The following ARL9 variants were observed in gnomAD, a reference collection of about 807,000 sequenced individuals.
ARL9 encodes ARF like GTPase 9.
A neutral mutation model predicts 27.0 loss-of-function variants in ARL9; 14 were observed. That is an observed-to-expected ratio of 0.52 (90% CI 0.34 to 0.81). The LOEUF is 0.81. Ranked by LOEUF, ARL9 falls within the 30% of genes least tolerant of loss-of-function variation. The pLI, the probability that ARL9 is intolerant of heterozygous loss-of-function variation, is 0.01. For missense variants in ARL9, 294 were observed against 290.0 expected (o/e 1.01, Z -0.10); for synonymous variants, 106 against 108.7 (o/e 0.98, Z 0.15).
chr4:56,513,800 C>T (rs1721702632), intron 2 of ARL9, among the ~76,000 whole-genome samples: 1 of 152,154 alleles, frequency 6.6e-6, no homozygotes, highest in Non-Finnish European at 1.5e-5. Context: ...TGCTAACATG[C>T]TCCCAGTCAG....
rs73169308 is a variant in ARL9, at chr4:56,506,528, C to T, written c.279+387C>T. 0.03 allele frequency: 18,575 copies of T among 624,946 alleles called. 395 individuals carry two copies. In the East Asian group the frequency reaches 0.3, roughly 10 times the overall value. The allele number at this position is 624,946 out of a possible 1,614,324, so 38.7% of individuals were successfully genotyped here. A position where few individuals can be genotyped will look rare whatever the true frequency, so the allele number is the denominator to read the frequency against. Reference sequence around the variant, plus strand: ...ACCAGCCCCGAACCCTCCCCACACGCAGGCCCTCTTTGCATTGAATGCGTT... The same window carrying T: ...ACCAGCCCCGAACCCTCCCCACACGTAGGCCCTCTTTGCATTGAATGCGTT... On this transcript the variant is annotated intron_variant, in intron 1 of 3. Transcript: ENST00000640821.
chr4:56,523,804 T>C lies in ARL9; in HGVS notation c.726T>C (p.Asn242=). The C allele has an allele frequency of 1.9e-6, 3 of 1,613,996 alleles. No individual in the cohort carries two copies. Among genetic ancestry groups the C allele is most frequent in the Non-Finnish European group, 2.5e-6 (3 of 1,179,882 alleles). ...TGTTTGGAACCTACCTGACTAAGAATGGCTCAGAGATACCCTCCACCATGC... is the reference window on the plus strand; with the variant it reads ...TGTTTGGAACCTACCTGACTAAGAACGGCTCAGAGATACCCTCCACCATGC... The part of the protein sequence containing the change: ...MFLFGTYLTK[N]GSEIPSTMQD... Residue 242 remains asparagine (N), a synonymous_variant, in exon 4 of 4, where the codon AAT becomes AAC. Transcript: ENST00000640821.
At chr4:56,506,740 T>C (rs1721472432) in intron 1 of ARL9, 11 of 926,010 alleles carry the variant, frequency 1.2e-5, no homozygotes, top group African/African-American at 1.8e-5. Flanking sequence ...GCTCCTTGGC[T>C]TAGAGCTGCG....
At position 56,511,234 on chromosome 4, in the gene ARL9, C is replaced by T; in HGVS notation, c.329C>T (p.Thr110Ile). 11 of 1,612,520 alleles carry T rather than the reference C, an allele frequency of 6.8e-6. No individual in the cohort carries two copies. The highest frequency in any genetic ancestry group is 9.3e-6 in the Non-Finnish European group (11 of 1,179,128). The change falls in exon 2 of 4, where the codon ACC (threonine) becomes ATC (isoleucine). Residue 110 changes from threonine (T) to isoleucine (I), a missense_variant. Coordinates refer to ENST00000640821, the MANE Select transcript of ARL9 (RefSeq NM_001363794.2). Reference sequence around the variant, plus strand: ...CTGGGCCTGGATGGAGCAGGAAAAACCAGTGTCCTGCACTCTCTAGCTTCA... The same window carrying T: ...CTGGGCCTGGATGGAGCAGGAAAAATCAGTGTCCTGCACTCTCTAGCTTCA... ...LVLGLDGAGK[T>I]SVLHSLASNR...
Position 56,506,068 on chromosome 4 carries a change from A to C in ARL9, c.206A>C (p.Glu69Ala). Residue 69 changes from glutamate (E) to alanine (A), a missense_variant, in exon 1 of 4, where the codon GAA becomes GCA. By Grantham distance (107) the Glu-to-Ala change is moderately radical. Transcript: ENST00000640821. Reference protein sequence around the residue: ...KQGKETNKEKEQFKGQEEKGE... With the variant: ...KQGKETNKEKAQFKGQEEKGE... ...GGGAAGGAGACAAACAAAGAGAAGG[A>C]ACAATTTAAGGGACAAGAAGAGAAA... The C allele has an allele frequency of 8.1e-7, 1 of 1,235,976 alleles. No individual in the cohort carries two copies. The highest frequency in any genetic ancestry group is 1.0e-6 in the Non-Finnish European group (1 of 990,528). 76.6% of individuals were successfully genotyped at this position (1,235,976 alleles called of 1,614,324 possible).
chr4:56,523,928 A>G lies in ARL9; in HGVS notation c.*52A>G. 6.6e-7 allele frequency: 1 copy of G among 1,519,864 alleles called. No homozygotes were observed. The highest frequency in any genetic ancestry group is 1.3e-5 in the South Asian group (1 of 79,154). 94.1% of individuals were successfully genotyped at this position (1,519,864 alleles called of 1,614,324 possible). ...ACGACTGAGATGTCATCAGTGTTGA[A>G]TGGCAGGCTTGAAGCCAAAGGTTTC... On this transcript the variant is annotated 3_prime_UTR_variant, in exon 4 of 4. Coordinates refer to ENST00000640821, the MANE Select transcript of ARL9 (RefSeq NM_001363794.2).
intron 3 of ARL9, among the ~76,000 whole-genome samples, chr4:56,521,360 G>A (rs1721912868): frequency 6.6e-6 from 1 of 152,088 alleles, no homozygotes; most frequent in Non-Finnish European, 1.5e-5. Flanking sequence ...ATACCAAAAT[G>A]TTATCATTTT....
chr4:56,521,301 A>G (rs1721911186), intron 3 of ARL9, among the ~76,000 whole-genome samples: 1 of 152,164 alleles, frequency 6.6e-6, no homozygotes, highest in South Asian at 2.1e-4. Context: ...AAAGATTTAG[A>G]AGATCATGGT....
At chr4:56,522,034 G>A (rs1011128237) in intron 3 of ARL9, among the ~76,000 whole-genome samples, 3 of 149,408 alleles carry the variant, frequency 2.0e-5, no homozygotes, top group South Asian at 2.1e-4. Context: ...CACCCAAGCT[G>A]GAGTACAGTG....
intron 2 of ARL9, among the ~76,000 whole-genome samples, chr4:56,514,268 T>C (rs1313273391): frequency 2.0e-5 from 3 of 152,196 alleles, no homozygotes; most frequent in African/African-American, 7.2e-5. Flanking sequence ...TGAACACTTA[T>C]AGGTTAAATA....
upstream of ARL9, chr4:56,505,659 A>T: frequency 1.2e-6 from 1 of 835,886 alleles, no homozygotes; most frequent in East Asian, 2.9e-5. Flanking sequence ...CTGCGGGTTC[A>T]GCGAATCGGC....
intron 2 of ARL9, among the ~76,000 whole-genome samples, chr4:56,511,667 T>G (rs187787431): frequency 6.6e-6 from 1 of 152,210 alleles, no homozygotes; most frequent in Non-Finnish European, 1.5e-5. Flanking sequence ...GTAAGTACAG[T>G]GTGCTTGCTT....
At chr4:56,509,937 G>A (rs574889056) in intron 1 of ARL9, among the ~76,000 whole-genome samples, 1 of 151,778 alleles carries the variant, frequency 6.6e-6, no homozygotes, top group Non-Finnish European at 1.5e-5. Context: ...TCGAACTCCT[G>A]ACCTCAGGTG....
At chr4:56,519,879 T>C (rs949680668) in intron 3 of ARL9, among the ~76,000 whole-genome samples, 9 of 151,952 alleles carry the variant, frequency 5.9e-5, no homozygotes, top group Admixed American at 5.9e-4. Context: ...TAAGGCAGAG[T>C]TCTGCTCTAG....
In ARL9 at chr4:56,523,862, G is replaced by A; in HGVS notation, c.784G>A (p.Ala262Thr). ...CAAAGACTTGATTGCACAGCTGGCT[G>A]CAGATGTGCAGTGACCAGGACTCAG... ...DAKDLIAQLA[A>T]DVQ Residue 262 changes from alanine (A) to threonine (T), a missense_variant, in exon 4 of 4, where the codon GCA becomes ACA. Transcript: ENST00000640821. 6.2e-7 allele frequency: 1 copy of A among 1,613,588 alleles called. No homozygotes were observed. The highest frequency in any genetic ancestry group is 8.5e-7 in the Non-Finnish European group (1 of 1,179,666).
At chr4:56,518,885 A>C in intron 3 of ARL9, 32 bp downstream of exon 3, 1 of 1,587,424 alleles carries the variant, frequency 6.3e-7, no homozygotes, top group South Asian at 1.1e-5. Context: ...AATTGTACTC[A>C]AGAGTTTTGT....
intron 2 of ARL9, among the ~76,000 whole-genome samples, chr4:56,515,642 G>A (rs2110149737): frequency 6.6e-6 from 1 of 152,210 alleles, no homozygotes; most frequent in East Asian, 1.9e-4. Context: ...AATTATAACA[G>A]CTTGGCAAGA....
At chr4:56,522,096 G>A (rs1279593352) in intron 3 of ARL9, among the ~76,000 whole-genome samples, 1 of 151,264 alleles carries the variant, frequency 6.6e-6, no homozygotes, top group Non-Finnish European at 1.5e-5. Context: ...AGCACATCAG[G>A]AAAAGCCCCA....
Position 56,511,335 on chromosome 4 carries a change from G to C in ARL9, c.430G>C (p.Glu144Gln). 1 of 1,612,128 alleles carries C rather than the reference G, an allele frequency of 6.2e-7. No individual in the cohort carries two copies. Among genetic ancestry groups the C allele is most frequent in the Non-Finnish European group, 8.5e-7 (1 of 1,179,146 alleles). ...CATCAACACTGAAGACAGCCAGATG[G>C]AGTTCCTGGAGAGTAAGCTCTCTGT... Reference protein sequence around the residue: ...VCINTEDSQMEFLEIGGSKPF... With the variant: ...VCINTEDSQMQFLEIGGSKPF... The change falls in exon 2 of 4, where the codon GAG (glutamate) becomes CAG (glutamine). Residue 144 changes from glutamate (E) to glutamine (Q), a missense_variant. Physicochemically the swap from Glu to Gln is conservative, Grantham distance 29. Transcript: ENST00000640821.
Sources: gnomAD v4.1 joint callset for allele counts (sites outside exome capture counted in the v4.1 genomes callset) on GRCh38, gnomAD v4.1.1 for gene constraint, MANE v1.5 for transcripts, NCBI Gene and HGNC (gene_info 2026-07-23, HGNC 2026-07-21) for gene names.